TTLL6: variants seen among roughly 807,000 people sequenced by gnomAD.
TTLL6 encodes the protein tubulin tyrosine ligase like 6.
Under a neutral mutation model 96.4 loss-of-function variants are expected in TTLL6, and 75 were observed. That is an observed-to-expected ratio of 0.78 (90% CI 0.65 to 0.94). The LOEUF (loss-of-function observed/expected upper bound fraction) is 0.94, where lower values mean the gene tolerates loss of function less well. Among genes scored for constraint, TTLL6 ranks in the 40% least tolerant of loss-of-function variants. TTLL6 has a pLI of 0.00. For synonymous variants in TTLL6, 411 were observed against 419.4 expected (o/e 0.98, Z 0.24); for missense variants, 1,030 against 1,093.0 (o/e 0.94, Z 0.81).
intron 6 of TTLL6, among the ~76,000 whole-genome samples, chr17:48,798,682 T>C (rs1223622863): frequency 2.6e-5 from 4 of 152,130 alleles, no homozygotes; most frequent in Admixed American, 6.6e-5. Flanking sequence ...GAGGTTGCAA[T>C]GAGCTATGAT....
intron 8 of TTLL6, among the ~76,000 whole-genome samples, chr17:48,791,822 GTGCAGA>G (rs2039231173): frequency 6.6e-6 from 1 of 152,206 alleles, no homozygotes; most frequent in Admixed American, 6.5e-5. Flanking sequence ...CCCAGGGTGG[GTGCAGA>G]TGCAGTCACA....
At chr17:48,770,828 G>A (rs1293995628) in intron 13 of TTLL6, among the ~76,000 whole-genome samples, 1 of 151,764 alleles carries the variant, frequency 6.6e-6, no homozygotes, top group Non-Finnish European at 1.5e-5. Flanking sequence ...GGAGGCAGGA[G>A]AATCACTTGA....
chr17:48,799,653 T>C lies in TTLL6; in HGVS notation c.719A>G (p.Lys240Arg). Residue 240 changes from lysine to arginine, a missense_variant, in exon 6 of 16, where the codon AAA becomes AGA. By Grantham distance (26) the Lys-to-Arg change is conservative. Transcript: ENST00000393382. ...CATATCCTCCCCTGGTTTGATTTCT[T>C]TCACTGTCCGGGTGATGAATATACC... ...GKGIFITRTV[K>R]EIKPGEDMIC... The C allele has an allele frequency of 6.4e-7, 1 of 1,551,980 alleles. No individual in the cohort carries two copies. The highest frequency in any genetic ancestry group is 8.7e-7 in the Non-Finnish European group (1 of 1,147,066).
At chr17:48,784,237 T>G (rs1274618451) in intron 13 of TTLL6, among the ~76,000 whole-genome samples, 1 of 152,068 alleles carries the variant, frequency 6.6e-6, no homozygotes, top group Non-Finnish European at 1.5e-5. Flanking sequence ...TGAAACCTTC[T>G]CGACAAAAAA....
At position 48,797,121 on chromosome 17, in the gene TTLL6, G is replaced by C. The variant is rs1341559304; in HGVS notation, c.852C>G (p.Tyr284Ter). ...TSCDPLRIFV[Y>*]NEGLARFATT... ...TCGCAAAGCGGGCCAGTCCTTCATT[G>C]TACACAAAAATCCTGAGAGGGTCAC... Residue 284 changes from tyrosine (Y) to a stop codon, truncating the protein, a stop_gained, in exon 7 of 16, where the codon TAC becomes TAG. Transcript: ENST00000393382. LOFTEE classifies it high-confidence loss of function. The C allele has an allele frequency of 6.4e-7, 1 of 1,551,392 alleles. No individual in the cohort carries two copies. Among genetic ancestry groups the C allele is most frequent in the African/African-American group, 1.4e-5 (1 of 72,970 alleles).
At chr17:48,781,658 T>A (rs1461434986) in intron 13 of TTLL6, among the ~76,000 whole-genome samples, 1 of 152,196 alleles carries the variant, frequency 6.6e-6, no homozygotes, top group Non-Finnish European at 1.5e-5. Flanking sequence ...TTTGTTGCTG[T>A]TGAGATGTAG....
chr17:48,779,614 C>G (rs977686348), intron 13 of TTLL6, among the ~76,000 whole-genome samples: 4 of 152,038 alleles, frequency 2.6e-5, no homozygotes, highest in African/African-American at 4.8e-5. Context: ...TTCACAGGAG[C>G]TTTAATGACC....
chr17:48,789,589 C>G (rs1339342742), intron 10 of TTLL6, among the ~76,000 whole-genome samples: 1 of 152,174 alleles, frequency 6.6e-6, no homozygotes, highest in African/African-American at 2.4e-5. Context: ...GAGTCTTGCT[C>G]TGTCACCCAG....
chr17:48,809,973 A>T (rs976204048), intron 1 of TTLL6, among the ~76,000 whole-genome samples: 1 of 151,760 alleles, frequency 6.6e-6, no homozygotes, highest in Non-Finnish European at 1.5e-5. Context: ...CCCCGTCTCT[A>T]CTAAAAATAC....
chr17:48,763,928 C>T (rs2038539842), intron 15 of TTLL6, among the ~76,000 whole-genome samples: 1 of 152,110 alleles, frequency 6.6e-6, no homozygotes, highest in African/African-American at 2.4e-5. Flanking sequence ...CGCGCCACTG[C>T]ACTCCAGCCT....
intron 1 of TTLL6, among the ~76,000 whole-genome samples, chr17:48,816,266 GC>G (rs199505276): frequency 1.3e-5 from 2 of 151,314 alleles, no homozygotes; most frequent in African/African-American, 2.4e-5. Context: ...AAAAAAGTGA[GC>G]CCCCCCACCC....
intron 2 of TTLL6, 55 bp from the exon 3 acceptor site, chr17:48,803,983 A>G: frequency 6.5e-7 from 1 of 1,535,182 alleles, no homozygotes; most frequent in Non-Finnish European, 8.8e-7. Flanking sequence ...TTGCCAGAAC[A>G]AGTGACTGTA....
intron 1 of TTLL6, among the ~76,000 whole-genome samples, chr17:48,810,821 GTGTGTATATATATATA>G (rs1394508518): frequency 1.5e-4 from 8 of 51,660 alleles, no homozygotes; most frequent in African/African-American, 7.5e-4. Flanking sequence ...TATAGTATGT[GTGTGTATATATATATA>G]TATATATATA....
At chr17:48,789,779 A>G (rs1199724399) in intron 10 of TTLL6, 152 bp downstream of exon 10, 2 of 697,246 alleles carry the variant, frequency 2.9e-6, no homozygotes. Context: ...CTGGTCTCGA[A>G]CTCCTGACCT....
intron 6 of TTLL6, among the ~76,000 whole-genome samples, chr17:48,797,649 C>A (rs9896464): frequency 1.3e-5 from 2 of 151,456 alleles, no homozygotes; most frequent in African/African-American, 4.9e-5. Context: ...TTGCCAGGCG[C>A]GGTGGTGGGC....
chr17:48,764,490 C>T (rs1271031369), intron 15 of TTLL6, among the ~76,000 whole-genome samples: 2 of 152,288 alleles, frequency 1.3e-5, no homozygotes, highest in South Asian at 2.1e-4. Flanking sequence ...GCCAACCTCA[C>T]ATTGTCAATG....
chr17:48,767,320 C>A (rs2038636140), intron 15 of TTLL6, among the ~76,000 whole-genome samples: 1 of 152,178 alleles, frequency 6.6e-6, no homozygotes, highest in Non-Finnish European at 1.5e-5. Flanking sequence ...TAAACAAGGG[C>A]CCTCATATGA....
At position 48,769,022 on chromosome 17, in the gene TTLL6, C is replaced by T. The variant is rs2038675136; in HGVS notation, c.2643G>A (p.Leu881=). Residue 881 remains leucine (L), a synonymous_variant, in exon 15 of 16, where the codon CTG becomes CTA. Transcript: ENST00000393382. ...MQDQEAYSHC[L]ISGQKGCERS ...TCTCACATCCTTTTTGGCCAGAGAT[C>T]AGGCAATGGCTGTATGCTTCTTGAT... 6.2e-7 allele frequency: 1 copy of T among 1,614,010 alleles called. No homozygotes were observed. Among genetic ancestry groups the T allele is most frequent in the Admixed American group, 1.7e-5 (1 of 59,992 alleles).
chr17:48,816,906 T>G, intron 1 of TTLL6, 64 bp downstream of exon 1: 2 of 1,293,640 alleles, frequency 1.5e-6, no homozygotes, highest in Non-Finnish European at 2.1e-6. Flanking sequence ...TAGCCAGGTT[T>G]TCAGGGGACA....
Sources: gnomAD v4.1 joint callset for allele counts (sites outside exome capture counted in the v4.1 genomes callset) on GRCh38, gnomAD v4.1.1 for gene constraint, MANE v1.5 for transcripts, NCBI Gene and HGNC (gene_info 2026-07-23, HGNC 2026-07-21) for gene names.